Variants in COA4 observed in about 807,000 individuals in gnomAD.
COA4 encodes the protein cytochrome c oxidase assembly factor 4 homolog, mitochondrial.
COA4 carries 8 observed loss-of-function variants against 7.3 expected under a neutral mutation model. That is an observed-to-expected ratio of 1.10 (90% CI 0.64 to 1.98). COA4 has a LOEUF of 1.98. Ranked by LOEUF, COA4 falls within the 30% of genes most tolerant of loss-of-function variation. COA4 has a pLI of 0.00. For missense variants in COA4, 96 were observed against 111.2 expected (o/e 0.86, Z 0.62); for synonymous variants, 42 against 44.3 (o/e 0.95, Z 0.21).
In COA4 at chr11:73,873,164, C is replaced by T. The variant is rs534335765; in HGVS notation, c.215G>A (p.Arg72Gln). The T allele has an allele frequency of 2.4e-5, 39 of 1,613,844 alleles. No homozygotes were observed. The South Asian group carries it at 3.2e-4, about 13-fold the overall frequency. ...KDCMSEQQAR[R>Q]QEELQRRQEQ... ...TTGCCTCCTCTGCAGCTCCTCTTGC[C>T]GCCTCGCCTGCTGTTCACTCATGCA... Residue 72 changes from arginine to glutamine, a missense_variant, in exon 2 of 2, where the codon CGG becomes CAG. Physicochemically the swap from Arg to Gln is conservative, Grantham distance 43. Coordinates refer to ENST00000355693, the MANE Select transcript of COA4 (RefSeq NM_016565.3).
intron 1 of COA4, among the ~76,000 whole-genome samples, chr11:73,875,052 G>A (rs1254107626): frequency 1.3e-5 from 2 of 152,172 alleles, no homozygotes; most frequent in Non-Finnish European, 2.9e-5. Flanking sequence ...ACATGGGAAG[G>A]ATGGAAAGAG....
Position 73,873,327 on chromosome 11 carries a change from C to A in COA4, c.52G>T (p.Asp18Tyr), listed in dbSNP as rs999377077. Residue 18 changes from aspartate (D) to tyrosine (Y), a missense_variant, in exon 2 of 2, where the codon GAC becomes TAC. Coordinates refer to ENST00000355693, the MANE Select transcript of COA4 (RefSeq NM_016565.3). ...GHTWTQRVKK[D>Y]DEEEDPLDQL... ...TCCAGCGGGTCCTCCTCCTCATCGT[C>A]TTTCTTCACCCGTTGGGTCCAGGTA... 4 of 1,614,202 alleles carry A rather than the reference C, an allele frequency of 2.5e-6. No individual in the cohort carries two copies. The African/African-American group carries it at 4.0e-5, about 16-fold the overall frequency.
chr11:73,873,531 T>C, intron 1 of COA4, 137 bp from the exon 2 acceptor site: 2 of 654,800 alleles, frequency 3.1e-6, no homozygotes, highest in South Asian at 2.3e-5. Context: ...TGAAGACAGA[T>C]GCTTGTTTTT....
chr11:73,873,663 T>C (rs1427127758), intron 1 of COA4: 2 of 481,010 alleles, frequency 4.2e-6, no homozygotes, highest in African/African-American at 4.0e-5. Flanking sequence ...GGACTACAGG[T>C]GTGCATCACC....
At chr11:73,873,506 G>T in intron 1 of COA4, 112 bp from the exon 2 acceptor site, 1 of 951,118 alleles carries the variant, frequency 1.1e-6, no homozygotes, top group Non-Finnish European at 1.6e-6. Context: ...TGTCTCCCGT[G>T]GGAGACTCTA....
chr11:73,873,157 C>A lies in COA4; in HGVS notation c.222G>T (p.Glu74Asp). 1 of 1,613,590 alleles carries A rather than the reference C, an allele frequency of 6.2e-7. No individual in the cohort carries two copies. Among genetic ancestry groups the A allele is most frequent in the South Asian group, 1.1e-5 (1 of 91,044 alleles). The change falls in exon 2 of 2, where the codon GAG becomes GAT. Residue 74 changes from glutamate (E) to aspartate (D), a missense_variant. Transcript: ENST00000355693. ...CTTGTTCTTGCCTCCTCTGCAGCTCCTCTTGCCGCCTCGCCTGCTGTTCAC... is the reference window on the plus strand; with the variant it reads ...CTTGTTCTTGCCTCCTCTGCAGCTCATCTTGCCGCCTCGCCTGCTGTTCAC... ...CMSEQQARRQ[E>D]ELQRRQEQAG...
chr11:73,874,934 CA>C (rs1948724563), intron 1 of COA4, among the ~76,000 whole-genome samples: 1 of 152,130 alleles, frequency 6.6e-6, no homozygotes, highest in Non-Finnish European at 1.5e-5. Flanking sequence ...TGTAGTGAGC[CA>C]AAGATCGTGC....
intron 1 of COA4, among the ~76,000 whole-genome samples, chr11:73,874,036 T>A (rs1591022755): frequency 6.6e-6 from 1 of 152,300 alleles, no homozygotes; most frequent in African/African-American, 2.4e-5. Context: ...AACTTTCAGC[T>A]AGGTACGATG....
At chr11:73,874,917 C>T (rs1948724253) in intron 1 of COA4, among the ~76,000 whole-genome samples, 1 of 152,078 alleles carries the variant, frequency 6.6e-6, no homozygotes, top group South Asian at 2.1e-4. Flanking sequence ...ACCCAAGGGG[C>T]GGAGGTTGTA....
Position 73,873,380 on chromosome 11 carries a change from C to G in COA4, c.-2G>C. 1.1e-5 allele frequency: 18 copies of G among 1,613,982 alleles called. No individual in the cohort carries two copies. The highest frequency in any genetic ancestry group is 1.5e-5 in the Non-Finnish European group (18 of 1,179,918). ...GCCTTGAGGGACTGAGGTTGACATC[C>G]TGGGGATGGGGAGTCTATAGAACAT... On this transcript the variant is annotated 5_prime_UTR_variant, in exon 2 of 2. Transcript: ENST00000355693.
intron 1 of COA4, chr11:73,876,126 C>CAAAAA: frequency 9.7e-6 from 1 of 102,808 alleles, no homozygotes; most frequent in African/African-American, 3.4e-5. Flanking sequence ...GACCCTGTCT[C>CAAAAA]AAAAAAAAAA....
intron 1 of COA4, chr11:73,874,346 T>G (rs2135106798): frequency 6.6e-6 from 1 of 151,580 alleles, no homozygotes; most frequent in African/African-American, 2.4e-5. Flanking sequence ...CTCAGGAGGC[T>G]GAAGCAGGAG....
At position 73,875,496 on chromosome 11, in the gene COA4, T is replaced by C. The variant is rs529277101; in HGVS notation, c.-17+1261A>G. Among the ~76,000 whole-genome samples the C allele has an allele frequency of 2.0e-4, 31 of 151,972 alleles. No individual in the cohort carries two copies. In the South Asian group the frequency reaches 6.2e-3, roughly 31 times the overall value. On this transcript the variant is annotated intron_variant, in intron 1 of 1. Coordinates refer to ENST00000355693, the MANE Select transcript of COA4 (RefSeq NM_016565.3). ...CAGATAGCAAAGACTGGGACCACAG[T>C]GGAGGGATGCCTAATCCAGACAAGG...
chr11:73,872,961 A>G lies in COA4; in HGVS notation c.*154T>C. ...TGAACATATGACAGCTGTTTGTGCC[A>G]GTCATGTCCAAACCCATGGCTCTCA... On this transcript the variant is annotated 3_prime_UTR_variant, in exon 2 of 2. Coordinates refer to ENST00000355693, the MANE Select transcript of COA4 (RefSeq NM_016565.3). 2 of 846,402 alleles carry G rather than the reference A, an allele frequency of 2.4e-6. No individual in the cohort carries two copies. Among genetic ancestry groups the G allele is most frequent in the Non-Finnish European group, 1.8e-6 (1 of 558,978 alleles). The allele number at this position is 846,402 out of a possible 1,614,324, so 52.4% of individuals were successfully genotyped here. A position where few individuals can be genotyped will look rare whatever the true frequency, so the allele number is the denominator to read the frequency against.
chr11:73,875,067 C>G (rs1670545), intron 1 of COA4, among the ~76,000 whole-genome samples: 58,304 of 152,122 alleles, frequency 0.38, 12,765 homozygotes, highest in African/African-American at 0.61. Flanking sequence ...AAAGAGTTCA[C>G]TGTGGCTGTA....
chr11:73,876,063 A>G (rs933148479), intron 1 of COA4: 2 of 151,748 alleles, frequency 1.3e-5, no homozygotes, highest in African/African-American at 2.4e-5. Flanking sequence ...CAGCCTGGGC[A>G]ACACTGTGAG....
chr11:73,873,529 G>T, intron 1 of COA4, 135 bp from the exon 2 acceptor site: 5 of 619,804 alleles, frequency 8.1e-6, no homozygotes, highest in Non-Finnish European at 7.9e-6. Context: ...CTTGAAGACA[G>T]ATGCTTGTTT....
rs543072979 is a variant in COA4 at position 73,873,200 on chromosome 11, G to A, written c.179C>T (p.Ala60Val). ...DWRQCQPQVQAFKDCMSEQQA... is the reference protein window; with the variant it reads ...DWRQCQPQVQVFKDCMSEQQA... ...CTGTTCACTCATGCAATCCTTGAAC[G>A]CCTGCACCTGTGGCTGGCATTGCCG... The change falls in exon 2 of 2, where the codon GCG becomes GTG. Residue 60 changes from alanine (A) to valine (V), a missense_variant. Ala to Val is a moderately conservative substitution (Grantham distance 64). Coordinates refer to ENST00000355693, the MANE Select transcript of COA4 (RefSeq NM_016565.3). The A allele has an allele frequency of 7.4e-6, 12 of 1,614,186 alleles. No homozygotes were observed. The East Asian group carries it at 8.9e-5, about 12-fold the overall frequency.
At chr11:73,875,345 G>A (rs2135108336) in intron 1 of COA4, among the ~76,000 whole-genome samples, 1 of 152,252 alleles carries the variant, frequency 6.6e-6, no homozygotes, top group South Asian at 2.1e-4. Flanking sequence ...AAATGATTAA[G>A]TACCTATCAT....
Sources: allele counts gnomAD v4.1 joint callset (sites outside exome capture counted in the v4.1 genomes callset), GRCh38; gene constraint gnomAD v4.1.1; transcripts MANE v1.5; gene names NCBI Gene and HGNC (gene_info 2026-07-23, HGNC 2026-07-21).